TRPM3: variants seen among roughly 807,000 people sequenced by gnomAD.
The protein encoded by TRPM3 is long transient receptor potential channel 3.
In TRPM3, 77 loss-of-function variants were observed where a neutral mutation model predicts 181.2. The observed-to-expected ratio is 0.42, with a 90% CI of 0.35 to 0.51. The LOEUF is 0.51. Among genes scored for constraint, TRPM3 ranks in the 20% least tolerant of loss-of-function variants. The pLI is 0.01. For synonymous variants in TRPM3, 745 were observed against 796.4 expected (o/e 0.94, Z 1.09); for missense variants, 1,759 against 2,196.7 (o/e 0.80, Z 3.98).
intron 5 of TRPM3, among the ~76,000 whole-genome samples, chr9:70,837,751 C>T (rs1184413772): frequency 2.6e-5 from 4 of 152,130 alleles, no homozygotes; most frequent in African/African-American, 7.2e-5. Context: ...TCAAGATTCT[C>T]TAGGGACAAA....
chr9:71,067,905 G>A (rs568160), intron 1 of TRPM3, among the ~76,000 whole-genome samples: 35,485 of 152,086 alleles, frequency 0.23, 4,910 homozygotes, highest in East Asian at 0.4. Flanking sequence ...CATCACTGGT[G>A]AAATCAGGGT....
At chr9:70,663,127 A>G (rs1446443283) in intron 9 of TRPM3, among the ~76,000 whole-genome samples, 1 of 152,202 alleles carries the variant, frequency 6.6e-6, no homozygotes, top group Admixed American at 6.5e-5. Context: ...TTCTAAGTGA[A>G]GTAACTCAGG....
At chr9:70,796,882 A>G (rs13302159) in intron 6 of TRPM3, among the ~76,000 whole-genome samples, 26,111 of 152,114 alleles carry the variant, frequency 0.17, 2,578 homozygotes, top group South Asian at 0.29. Flanking sequence ...TAATCCCAGC[A>G]CTTTGGGAGG....
intron 1 of TRPM3, among the ~76,000 whole-genome samples, chr9:71,089,057 C>G (rs2065746942): frequency 6.7e-6 from 1 of 148,584 alleles, no homozygotes. Context: ...ACCTCAAATA[C>G]CAAGCCAAGC....
At chr9:70,562,619 A>AGG (rs1196299873) in intron 22 of TRPM3, among the ~76,000 whole-genome samples, 3 of 80,006 alleles carry the variant, frequency 3.7e-5, no homozygotes, top group Non-Finnish European at 7.8e-5. Context: ...TGTGTTGGGC[A>AGG]GGGGGGAGGT....
intron 7 of TRPM3, chr9:70,783,892 A>G (rs1418669348): frequency 4.7e-6 from 6 of 1,282,212 alleles, no homozygotes; most frequent in Middle Eastern, 6.0e-4. Flanking sequence ...TTATCCGTGT[A>G]GCTTTCATAG....
intron 1 of TRPM3, among the ~76,000 whole-genome samples, chr9:71,420,831 A>AAG (rs1374378542): frequency 0.014 from 173 of 12,470 alleles, 72 homozygotes; most frequent in Non-Finnish European, 0.024. Context: ...AAGAGAGGGA[A>AAG]AGAAAGAGAG....
At chr9:70,675,934 A>G (rs1205901181) in intron 9 of TRPM3, among the ~76,000 whole-genome samples, 9 of 152,226 alleles carry the variant, frequency 5.9e-5, no homozygotes, top group Admixed American at 5.9e-4. Flanking sequence ...ATTTTTAAAA[A>G]AGCCTAAAGC....
intron 1 of TRPM3, among the ~76,000 whole-genome samples, chr9:71,254,273 A>G (rs1379828476): frequency 6.6e-6 from 1 of 152,204 alleles, no homozygotes; most frequent in South Asian, 2.1e-4. Flanking sequence ...ATACCATATT[A>G]TCTCACTTAT....
In TRPM3 at chr9:70,535,498, TG is replaced by T. The variant is rs2041511211; in HGVS notation, c.*454del. 1.9e-6 allele frequency: 3 copies of T among 1,550,370 alleles called. No homozygotes were observed. ...GAGCCAATGTGAAAAGAAAACAGAA[TG>T]GAAGTTTAGAATATCTCATTGTGTA... On this transcript the variant is annotated 3_prime_UTR_variant, in exon 26 of 26. Transcript: ENST00000677713.
At chr9:70,771,031 C>T (rs1194508692) in intron 7 of TRPM3, among the ~76,000 whole-genome samples, 1 of 152,126 alleles carries the variant, frequency 6.6e-6, no homozygotes, top group Non-Finnish European at 1.5e-5. Flanking sequence ...GCGGACAGCT[C>T]ATTAGCTCTT....
chr9:70,956,727 A>C (rs61466764), intron 1 of TRPM3, among the ~76,000 whole-genome samples: 4,729 of 151,992 alleles, frequency 0.031, 264 homozygotes, highest in African/African-American at 0.11. Context: ...ATTACAAAAA[A>C]ATTTAAAAAC....
chr9:70,548,730 C>T (rs2045704566), intron 25 of TRPM3, among the ~76,000 whole-genome samples: 1 of 152,066 alleles, frequency 6.6e-6, no homozygotes, highest in Admixed American at 6.6e-5. Flanking sequence ...ATGTGCCAGC[C>T]TGGAATGAAG....
intron 1 of TRPM3, among the ~76,000 whole-genome samples, chr9:70,996,833 T>G (rs1468767839): frequency 6.6e-6 from 1 of 152,230 alleles, no homozygotes; most frequent in Non-Finnish European, 1.5e-5. Flanking sequence ...TTTCTTCAGA[T>G]CTTATTTGGC....
intron 25 of TRPM3, 61 bp from the exon 26 acceptor site, chr9:70,537,466 A>G: frequency 1.4e-6 from 2 of 1,382,668 alleles, no homozygotes; most frequent in East Asian, 4.9e-5. Flanking sequence ...GGCTTTAGAG[A>G]GCAAGGATAA....
chr9:71,011,892 C>T (rs574311720), intron 1 of TRPM3, among the ~76,000 whole-genome samples: 171 of 151,342 alleles, frequency 1.1e-3, no homozygotes, highest in Non-Finnish European at 1.9e-3. Context: ...GCGATCCTTC[C>T]ACCTCAGCCG....
chr9:70,776,234 T>C (rs2081328736), intron 7 of TRPM3: 2 of 431,744 alleles, frequency 4.6e-6, no homozygotes, highest in Non-Finnish European at 8.1e-6. Context: ...ATTCAAGGAC[T>C]TTAAAAAAGT....
intron 1 of TRPM3, among the ~76,000 whole-genome samples, chr9:71,280,950 G>T (rs950265117): frequency 6.6e-4 from 100 of 152,294 alleles, no homozygotes; most frequent in African/African-American, 2.2e-3. Context: ...AGATTCACTT[G>T]ACTGTTCAGA....
Position 71,231,319 on chromosome 9 carries a change from A to T in TRPM3, c.183+215334T>A, listed in dbSNP as rs190290074. ...GAGAATCTGAGTCAAAGACATGTGGACAATGGAAGCAAAGGGTAAAAGAGA... is the reference window on the plus strand; with the variant it reads ...GAGAATCTGAGTCAAAGACATGTGGTCAATGGAAGCAAAGGGTAAAAGAGA... On this transcript the variant is annotated intron_variant, in intron 1 of 24. Transcript: ENST00000357533. Among the ~76,000 whole-genome samples the T allele has an allele frequency of 4.6e-5, 7 of 152,306 alleles. No individual in the cohort carries two copies. In the East Asian group the frequency reaches 1.4e-3, roughly 29 times the overall value.
Sources: gnomAD v4.1 joint callset for allele counts (sites outside exome capture counted in the v4.1 genomes callset) on GRCh38, gnomAD v4.1.1 for gene constraint, MANE v1.5 for transcripts, NCBI Gene and HGNC (gene_info 2026-07-23, HGNC 2026-07-21) for gene names.